Variants in UGT1A9 observed in about 807,000 individuals in gnomAD.
The protein encoded by UGT1A9 is UDP glucuronosyltransferase family 1 member A9.
UGT1A9 carries 35 observed loss-of-function variants against 45.0 expected under a neutral mutation model. The observed-to-expected ratio is 0.78, with a 90% CI of 0.59 to 1.03. UGT1A9 has a LOEUF of 1.03. Ranked by LOEUF, UGT1A9 falls within the 50% of genes least tolerant of loss-of-function variation. The probability of loss-of-function intolerance (pLI) is 0.00; values close to 1 mark genes in which losing one functional copy is unlikely to be tolerated. For missense variants in UGT1A9, 687 were observed against 666.6 expected (o/e 1.03, Z -0.34); for synonymous variants, 278 against 250.6 (o/e 1.11, Z -1.03).
intron 1 of UGT1A9, chr2:233,750,587 G>A (rs1381403597): frequency 6.6e-6 from 1 of 151,948 alleles, no homozygotes; most frequent in East Asian, 1.9e-4. Flanking sequence ...AGGCCTGGAG[G>A]CCTAGGAAGG....
chr2:233,761,375 C>T (rs1238115278), intron 1 of UGT1A9, among the ~76,000 whole-genome samples: 2 of 152,226 alleles, frequency 1.3e-5, no homozygotes, highest in Non-Finnish European at 2.9e-5. Context: ...GGACATTTTA[C>T]TCTGTGTGCT....
intron 1 of UGT1A9, chr2:233,729,350 T>A (rs751106111): frequency 2.5e-6 from 4 of 1,614,098 alleles, no homozygotes; most frequent in Non-Finnish European, 3.4e-6. Context: ...GAGAACTTTT[T>A]CACCCTGACA....
chr2:233,726,218 A>C (rs1180032899), intron 1 of UGT1A9, among the ~76,000 whole-genome samples: 1 of 152,174 alleles, frequency 6.6e-6, no homozygotes, highest in Non-Finnish European at 1.5e-5. Context: ...AAAGTTTAGA[A>C]AACATTTTTT....
chr2:233,743,985 A>G (rs1333314866), intron 1 of UGT1A9: 3 of 1,283,108 alleles, frequency 2.3e-6, no homozygotes, highest in Non-Finnish European at 3.1e-6. Context: ...ACCCAGGCGC[A>G]GGCCCGAGTG....
At chr2:233,745,811 G>C (rs148112408) in intron 1 of UGT1A9, among the ~76,000 whole-genome samples, 1 of 151,496 alleles carries the variant, frequency 6.6e-6, no homozygotes, top group East Asian at 1.9e-4. Flanking sequence ...CCAGAGTTTT[G>C]AGAGCAAGGC....
intron 1 of UGT1A9, chr2:233,754,778 A>G (rs1399549713): frequency 3.5e-6 from 4 of 1,127,052 alleles, no homozygotes; most frequent in Non-Finnish European, 3.6e-6. Flanking sequence ...CCAGGGAGCC[A>G]AAGGAACGAA....
intron 1 of UGT1A9, chr2:233,755,145 G>A (rs1233085476): frequency 2.3e-6 from 3 of 1,302,660 alleles, no homozygotes; most frequent in South Asian, 1.2e-5. Flanking sequence ...TCTTCTCACC[G>A]CTTCCTCCCT....
chr2:233,754,974 ACCTCGG>A (rs1369157258), intron 1 of UGT1A9: 6 of 1,299,856 alleles, frequency 4.6e-6, no homozygotes, highest in Non-Finnish European at 6.2e-6. Context: ...CTCCCTGAAG[ACCTCGG>A]CGGGGTCACG....
chr2:233,701,796 C>T (rs969772505), intron 1 of UGT1A9, among the ~76,000 whole-genome samples: 2 of 152,064 alleles, frequency 1.3e-5, no homozygotes, highest in African/African-American at 2.4e-5. Context: ...TTGAAATCAA[C>T]GAGAACAAAG....
intron 1 of UGT1A9, among the ~76,000 whole-genome samples, chr2:233,749,291 C>G (rs28900384): frequency 0.034 from 5,146 of 151,834 alleles, 168 homozygotes; most frequent in African/African-American, 0.052. Context: ...TGTAGTTATT[C>G]AATTATAAAA....
chr2:233,693,458 G>A lies in UGT1A9; in HGVS notation c.855+20669G>A. ...GTTTGATGCTCTTTTCACAGACCCAGCCTTACCCTGTGGGGTGATCCTGGC... is the reference window on the plus strand; with the variant it reads ...GTTTGATGCTCTTTTCACAGACCCAACCTTACCCTGTGGGGTGATCCTGGC... On this transcript the variant is annotated intron_variant, in intron 1 of 4. Coordinates refer to ENST00000354728, the MANE Select transcript of UGT1A9 (RefSeq NM_021027.3). The A allele has an allele frequency of 6.2e-7, 1 of 1,614,092 alleles. No individual in the cohort carries two copies. The highest frequency in any genetic ancestry group is 8.5e-7 in the Non-Finnish European group (1 of 1,180,020).
intron 1 of UGT1A9, among the ~76,000 whole-genome samples, chr2:233,717,363 T>C (rs2076566761): frequency 6.6e-6 from 1 of 152,216 alleles, no homozygotes; most frequent in Admixed American, 6.5e-5. Context: ...TGGGGAGTTC[T>C]CAAGCCCTTA....
chr2:233,726,536 A>G (rs956435699), intron 1 of UGT1A9, among the ~76,000 whole-genome samples: 1 of 152,196 alleles, frequency 6.6e-6, no homozygotes, highest in African/African-American at 2.4e-5. Flanking sequence ...AGGGAGATGC[A>G]GTGCAGCGTC....
At chr2:233,764,795 T>C (rs148070412) in intron 1 of UGT1A9, among the ~76,000 whole-genome samples, 7 of 152,082 alleles carry the variant, frequency 4.6e-5, no homozygotes, top group Non-Finnish European at 7.4e-5. Flanking sequence ...CCTCAGGGTG[T>C]TCTTGCTACA....
At chr2:233,722,847 T>TATGAAGACACTAC (rs1484611213) in intron 1 of UGT1A9, among the ~76,000 whole-genome samples, 1 of 139,226 alleles carries the variant, frequency 7.2e-6, no homozygotes, top group African/African-American at 2.9e-5. Flanking sequence ...GAATGTTTCT[T>TATGAAGACACTAC]TTTTTTTTTT....
chr2:233,728,683 G>A (rs1270712584), intron 1 of UGT1A9, among the ~76,000 whole-genome samples: 4 of 152,230 alleles, frequency 2.6e-5, no homozygotes, highest in African/African-American at 7.2e-5. Flanking sequence ...TGAGAAGAAA[G>A]TTTCAAGGGT....
chr2:233,697,784 C>A (rs1333897436), intron 1 of UGT1A9, among the ~76,000 whole-genome samples: 1 of 151,880 alleles, frequency 6.6e-6, no homozygotes, highest in African/African-American at 2.4e-5. Context: ...CATTTTCATT[C>A]GTTTCAAGTA....
At chr2:233,694,063 AG>A (rs2075198328) in intron 1 of UGT1A9, among the ~76,000 whole-genome samples, 1 of 152,226 alleles carries the variant, frequency 6.6e-6, no homozygotes. Context: ...GGATGAAGAC[AG>A]GGCTCATGCT....
intron 4 of UGT1A9, among the ~76,000 whole-genome samples, chr2:233,768,754 T>C (rs899936789): frequency 6.6e-6 from 1 of 151,960 alleles, no homozygotes; most frequent in Non-Finnish European, 1.5e-5. Context: ...GGTTAATTTT[T>C]GTATTTTTTA....
Sources: allele counts gnomAD v4.1 joint callset (sites outside exome capture counted in the v4.1 genomes callset), GRCh38; gene constraint gnomAD v4.1.1; transcripts MANE v1.5; gene names NCBI Gene and HGNC (gene_info 2026-07-23, HGNC 2026-07-21).